PCDH15: variants seen among roughly 807,000 people sequenced by gnomAD.
PCDH15 encodes protocadherin-15.
PCDH15 carries 129 observed loss-of-function variants against 178.5 expected under a neutral mutation model. The observed-to-expected ratio is 0.72, with a 90% confidence interval of 0.63 to 0.84. PCDH15 has a LOEUF of 0.84. Among genes scored for constraint, PCDH15 ranks in the 40% least tolerant of loss-of-function variants. The pLI is 0.00. For missense variants in PCDH15, 2,230 were observed against 2,099.9 expected, an observed-to-expected ratio of 1.06 and a Z score of -1.21; for synonymous variants, 800 against 732.0, an observed-to-expected ratio of 1.09 and a Z score of -1.50.
intron 1 of PCDH15, among the ~76,000 whole-genome samples, chr10:54,760,372 T>C (rs1361019864): frequency 3.0e-5 from 4 of 131,422 alleles, no homozygotes; most frequent in South Asian, 4.8e-4. Context: ...ACACAACATA[T>C]ATATTTTTTT....
At chr10:55,547,609 C>T (rs1004021280) in intron 2 of PCDH15, among the ~76,000 whole-genome samples, 1 of 152,046 alleles carries the variant, frequency 6.6e-6, no homozygotes, top group African/African-American at 2.4e-5. Context: ...AAACATTAAA[C>T]ATGGCCACAA....
chr10:54,598,447 C>A (rs1291439614), intron 2 of PCDH15, among the ~76,000 whole-genome samples: 1 of 151,966 alleles, frequency 6.6e-6, no homozygotes, highest in Admixed American at 6.6e-5. Context: ...AAACTCTTTA[C>A]AAATTAGGTA....
At chr10:54,669,648 C>A (rs1482636748) in intron 1 of PCDH15, among the ~76,000 whole-genome samples, 6 of 148,004 alleles carry the variant, frequency 4.1e-5, no homozygotes, top group African/African-American at 1.2e-4. Context: ...GTCCAACCTA[C>A]CTCTCCCACC....
chr10:55,193,703 A>G (rs1477580040), intron 1 of PCDH15, among the ~76,000 whole-genome samples: 1 of 152,002 alleles, frequency 6.6e-6, no homozygotes, highest in African/African-American at 2.4e-5. Context: ...TTTTAACTTT[A>G]TCATGCATTT....
chr10:54,077,870 C>T (rs1252643544), intron 17 of PCDH15, among the ~76,000 whole-genome samples: 1 of 152,150 alleles, frequency 6.6e-6, no homozygotes, highest in East Asian at 1.9e-4. Context: ...CGAGTCCAGC[C>T]TGGCCAACAC....
intron 2 of PCDH15, among the ~76,000 whole-genome samples, chr10:55,406,125 G>A (rs1469502521): frequency 6.6e-6 from 1 of 151,330 alleles, no homozygotes; most frequent in Non-Finnish European, 1.5e-5. Flanking sequence ...TAATGGAAAA[G>A]AGGCTAGAGT....
At chr10:54,454,896 T>C (rs1274392200) in intron 3 of PCDH15, among the ~76,000 whole-genome samples, 1 of 152,180 alleles carries the variant, frequency 6.6e-6, no homozygotes, top group Non-Finnish European at 1.5e-5. Context: ...CCCACCCATA[T>C]ATCATCTTGA....
intron 1 of PCDH15, among the ~76,000 whole-genome samples, chr10:55,234,665 G>A (rs1190708924): frequency 6.6e-6 from 1 of 151,980 alleles, no homozygotes; most frequent in Admixed American, 6.6e-5. Context: ...ACAGATGTGA[G>A]CCACCATGCC....
intron 2 of PCDH15, among the ~76,000 whole-genome samples, chr10:54,581,826 G>A (rs539229782): frequency 6.6e-6 from 1 of 151,914 alleles, no homozygotes; most frequent in African/African-American, 2.4e-5. Context: ...GCTGGGTAAT[G>A]TTCAATATAT....
intron 2 of PCDH15, among the ~76,000 whole-genome samples, chr10:55,438,981 C>A (rs1589028381): frequency 6.6e-6 from 1 of 151,942 alleles, no homozygotes; most frequent in South Asian, 2.1e-4. Flanking sequence ...TCACTACAAG[C>A]TCCGCCTCCC....
chr10:54,355,270 G>A (rs1016014654), intron 5 of PCDH15, among the ~76,000 whole-genome samples: 11 of 151,714 alleles, frequency 7.3e-5, no homozygotes, highest in African/African-American at 2.4e-4. Context: ...GGCTTAGAAA[G>A]CTTCTGCCTG....
rs145632307 is a variant in PCDH15, at chr10:55,039,098, T to A, written c.-80+127478A>T. On this transcript the variant is annotated intron_variant, in intron 2 of 5. Transcript: ENST00000458638. Reference sequence around the variant, plus strand: ...TTCTTTACCATCCACACCAGCATATTCCCTCTCTCCATACCTTCCCAGGTT... The same window carrying A: ...TTCTTTACCATCCACACCAGCATATACCCTCTCTCCATACCTTCCCAGGTT... Among the ~76,000 whole-genome samples, 152 of 152,126 alleles carry A rather than the reference T, an allele frequency of 1.0e-3. 1 individual carries two copies. In the Middle Eastern group the frequency reaches 0.027, roughly 27 times the overall value.
chr10:54,686,467 C>T (rs1316248913), intron 1 of PCDH15, among the ~76,000 whole-genome samples: 1 of 152,058 alleles, frequency 6.6e-6, no homozygotes, highest in Non-Finnish European at 1.5e-5. Flanking sequence ...CTTTTGGTGT[C>T]ATATCCATAA....
chr10:55,133,189 A>G (rs1322818965), intron 2 of PCDH15, among the ~76,000 whole-genome samples: 1 of 152,150 alleles, frequency 6.6e-6, no homozygotes, highest in Non-Finnish European at 1.5e-5. Context: ...TAAATGAAGT[A>G]ATATATAGAA....
chr10:54,403,388 A>T (rs1014023271), intron 3 of PCDH15, among the ~76,000 whole-genome samples: 6 of 152,100 alleles, frequency 3.9e-5, no homozygotes, highest in African/African-American at 1.4e-4. Context: ...GATAAAATTC[A>T]ACACACATTC....
intron 3 of PCDH15, among the ~76,000 whole-genome samples, chr10:54,854,720 C>T (rs1036380204): frequency 6.6e-6 from 1 of 152,124 alleles, no homozygotes; most frequent in Admixed American, 6.5e-5. Context: ...GATCCCAGGG[C>T]TTTTATGGGC....
chr10:55,140,485 C>T (rs1838321164), intron 2 of PCDH15, among the ~76,000 whole-genome samples: 1 of 151,832 alleles, frequency 6.6e-6, no homozygotes, highest in Non-Finnish European at 1.5e-5. Flanking sequence ...CTTCTTTAGC[C>T]TATGTATATA....
chr10:55,097,875 T>A (rs1442659006), intron 2 of PCDH15, among the ~76,000 whole-genome samples: 1 of 152,166 alleles, frequency 6.6e-6, no homozygotes, highest in African/African-American at 2.4e-5. Context: ...TCATTTTTTA[T>A]TTACAGAAAA....
chr10:54,172,344 A>C (rs560261381), intron 13 of PCDH15, among the ~76,000 whole-genome samples: 54 of 151,900 alleles, frequency 3.6e-4, no homozygotes, highest in East Asian at 7.8e-4. Flanking sequence ...CCCCCTTTGA[A>C]TGTAATTTTC....
Sources: gnomAD v4.1 joint callset for allele counts (sites outside exome capture counted in the v4.1 genomes callset) on GRCh38, gnomAD v4.1.1 for gene constraint, MANE v1.5 for transcripts, NCBI Gene and HGNC (gene_info 2026-07-23, HGNC 2026-07-21) for gene names.